The following PCTP variants were observed in gnomAD, a reference collection of about 807,000 sequenced individuals.
PCTP encodes START domain-containing protein 2.
PCTP carries 27 observed loss-of-function variants against 31.0 expected under a neutral mutation model. The ratio of observed to expected loss-of-function variants is 0.87; its 90% CI spans 0.64 to 1.20. The LOEUF is 1.20. Among genes scored for constraint, PCTP ranks in the 50% most tolerant of loss-of-function variants. The probability of loss-of-function intolerance (pLI) is 0.00; values close to 1 mark genes in which losing one functional copy is unlikely to be tolerated. For synonymous variants in PCTP, 108 were observed against 101.2 expected, an observed-to-expected ratio of 1.07 and a Z score of -0.40; for missense variants, 287 against 268.2, an observed-to-expected ratio of 1.07 and a Z score of -0.49.
rs577758374 is a variant in PCTP, at chr17:55,768,176, A to T, written c.259+724A>T. Among the ~76,000 whole-genome samples the T allele has an allele frequency of 3.9e-5, 6 of 152,244 alleles. No homozygotes were observed. In the East Asian group the frequency reaches 1.2e-3, roughly 29 times the overall value. On this transcript the variant is annotated intron_variant, in intron 2 of 5. Coordinates refer to ENST00000268896, the MANE Select transcript of PCTP (RefSeq NM_021213.4). Reference sequence around the variant, plus strand: ...TCTACTACATAGTGCTTCCTATTAAATTTTGGCACAAAAGCATTTTAAATG... The same window carrying T: ...TCTACTACATAGTGCTTCCTATTAATTTTTGGCACAAAAGCATTTTAAATG...
intron 5 of PCTP, among the ~76,000 whole-genome samples, chr17:55,829,047 A>T (rs1905505955): frequency 6.6e-6 from 1 of 152,122 alleles, no homozygotes; most frequent in South Asian, 2.1e-4. Context: ...GACCACAGCC[A>T]TGGGGAAAGC....
rs930292576 is a variant in PCTP at position 55,760,517 on chromosome 17, C to T, written c.142-6818C>T. On this transcript the variant is annotated intron_variant, in intron 1 of 5. Coordinates refer to ENST00000268896, the MANE Select transcript of PCTP (RefSeq NM_021213.4). ...TGGAAGAGGTTAGATTCTACCCAGA[C>T]GGTGAATCTGAGCCCATGCTATTAC... Among the ~76,000 whole-genome samples, 54 of 152,168 alleles carry T rather than the reference C, an allele frequency of 3.5e-4. 1 individual carries two copies. The highest frequency in any genetic ancestry group is 3.5e-3 in the Admixed American group (53 of 15,286).
At chr17:55,851,521 T>G in the PCTP span, among the ~76,000 whole-genome samples, 2 of 152,170 alleles carry the variant, frequency 1.3e-5, no homozygotes, top group African/African-American at 4.8e-5. Flanking sequence ...CTTTTCGTTT[T>G]AAAGGAGGGT....
intron 1 of PCTP, among the ~76,000 whole-genome samples, chr17:55,763,887 G>A (rs1381001931): frequency 4.6e-5 from 7 of 152,308 alleles, no homozygotes; most frequent in Non-Finnish European, 1.0e-4. Context: ...GCTGTTCAGC[G>A]CTTGGACATT....
At chr17:55,822,817 G>T in exon 4 of PCTP, 2 of 1,231,164 alleles carry the variant, frequency 1.6e-6, no homozygotes, top group Non-Finnish European at 2.0e-6. Context: ...TCAAGTTTTT[G>T]GCAAACCCAA....
chr17:55,805,886 A>ATGTGTGTGTGTGTGTGTGTG (rs58345619), intron 3 of PCTP, among the ~76,000 whole-genome samples: 3,944 of 142,758 alleles, frequency 0.028, 73 homozygotes, highest in African/African-American at 0.041. Flanking sequence ...CTCAATCTGT[A>ATGTGTGTGTGTGTGTGTGTG]TGTGTGTGTG....
chr17:55,838,823 G>A (rs896970223), intron 5 of PCTP, among the ~76,000 whole-genome samples: 1 of 152,148 alleles, frequency 6.6e-6, no homozygotes, highest in African/African-American at 2.4e-5. Context: ...GGAGATTACA[G>A]AGCTCATAAA....
At chr17:55,777,537 G>C (rs1042551807), downstream of PCTP, 1 of 324,752 alleles carries the variant, frequency 3.1e-6, no homozygotes, top group Non-Finnish European at 4.4e-6. Flanking sequence ...GTATCTTCAT[G>C]TAGGGATCAA....
downstream of PCTP, among the ~76,000 whole-genome samples, chr17:55,781,243 G>A: frequency 6.6e-6 from 1 of 152,106 alleles, no homozygotes; most frequent in East Asian, 1.9e-4. Context: ...ACTCCCAATT[G>A]TACATCTCTA....
rs371579881 is a variant in PCTP, at chr17:55,774,832, G to T, written c.552G>T (p.Pro184=). The T allele has an allele frequency of 1.3e-6, 2 of 1,521,926 alleles. No individual in the cohort carries two copies. Among genetic ancestry groups the T allele is most frequent in the South Asian group, 2.2e-5 (2 of 89,808 alleles). 94.3% of individuals were successfully genotyped at this position (1,521,926 alleles called of 1,614,324 possible). A position where few individuals can be genotyped will look rare whatever the true frequency, so the allele number is the denominator to read the frequency against. ...TCGATAACCCGGGTGGCCAAATTCCGTCCTGGCTCATTAACTGGGCCGCCA... is the reference window on the plus strand; with the variant it reads ...TCGATAACCCGGGTGGCCAAATTCCTTCCTGGCTCATTAACTGGGCCGCCA... The part of the protein sequence containing the change: ...YYFDNPGGQI[P]SWLINWAAKN... Residue 184 remains proline, a synonymous_variant, in exon 5 of 6, where the codon CCG becomes CCT. Coordinates refer to ENST00000268896, the MANE Select transcript of PCTP (RefSeq NM_021213.4).
intron 3 of PCTP, among the ~76,000 whole-genome samples, chr17:55,798,966 G>T (rs1256076073): frequency 6.6e-6 from 1 of 151,592 alleles, no homozygotes; most frequent in Non-Finnish European, 1.5e-5. Context: ...GCATTGTCTT[G>T]CAAGTAATAA....
rs1285870572 is a variant in PCTP at position 55,831,453 on chromosome 17, T to C, written n.505+8526T>C. 2.6e-5 allele frequency among the ~76,000 whole-genome samples: 4 copies of C among 152,270 alleles called. No homozygotes were observed. The East Asian group carries it at 7.7e-4, about 29-fold the overall frequency. ...TCTGCGGCTAATTCACTGGGTAGCA[T>C]CAGCCAAATAGCCAACCGCTTTGGG... On this transcript the variant is annotated intron_variant and non_coding_transcript_variant, in intron 5 of 5. Transcript: ENST00000576221.
At position 55,777,365 on chromosome 17, in the gene PCTP, G is replaced by C. The variant is rs192160159; in HGVS notation, c.*1265G>C. 6.6e-5 allele frequency: 65 copies of C among 984,820 alleles called. 2 individuals carry two copies. In the African/African-American group the frequency reaches 1.1e-3, roughly 17 times the overall value. 61.0% of individuals were successfully genotyped at this position (984,820 alleles called of 1,614,324 possible). ...GTGTTCTATAATGAATAAATATAGA[G>C]TGGTTTTTACTTGTCCTGTGTACCA... On this transcript the variant is annotated 3_prime_UTR_variant, in exon 6 of 6. Transcript: ENST00000268896.
chr17:55,852,255 G>A, the PCTP span, among the ~76,000 whole-genome samples: 1 of 152,154 alleles, frequency 6.6e-6, no homozygotes, highest in African/African-American at 2.4e-5. Flanking sequence ...CTTATCTCCA[G>A]TATCCTTTCA....
chr17:55,800,992 C>G (rs193296120), intron 3 of PCTP, among the ~76,000 whole-genome samples: 1 of 152,274 alleles, frequency 6.6e-6, no homozygotes, highest in East Asian at 1.9e-4. Context: ...GTTCCTTCCT[C>G]TGGAAGCTTC....
downstream of PCTP, among the ~76,000 whole-genome samples, chr17:55,781,940 T>A (rs567491311): frequency 6.5e-4 from 99 of 152,120 alleles, no homozygotes; most frequent in Non-Finnish European, 1.2e-3. Flanking sequence ...TGTGTGTACA[T>A]GTATGTGTGG....
downstream of PCTP, among the ~76,000 whole-genome samples, chr17:55,844,154 A>G (rs1307701499): frequency 6.6e-6 from 1 of 152,206 alleles, no homozygotes; most frequent in Non-Finnish European, 1.5e-5. Flanking sequence ...CGTATTATAA[A>G]TGGAATTATC....
chr17:55,847,534 T>C (rs1347270407), downstream of PCTP, among the ~76,000 whole-genome samples: 1 of 152,208 alleles, frequency 6.6e-6, no homozygotes, highest in Non-Finnish European at 1.5e-5. Context: ...ATGCTTTGCT[T>C]CCTCTTTGCC....
intron 3 of PCTP, among the ~76,000 whole-genome samples, chr17:55,804,442 T>G (rs951306469): frequency 6.6e-6 from 1 of 152,152 alleles, no homozygotes; most frequent in Non-Finnish European, 1.5e-5. Flanking sequence ...CTATCCACAA[T>G]AGCAAAGACT....
Sources: allele counts gnomAD v4.1 joint callset (sites outside exome capture counted in the v4.1 genomes callset), GRCh38; gene constraint gnomAD v4.1.1; transcripts MANE v1.5; gene names NCBI Gene and HGNC (gene_info 2026-07-23, HGNC 2026-07-21).